DOCK3: variants seen among roughly 807,000 people sequenced by gnomAD.
The protein encoded by DOCK3 is dedicator of cytokinesis protein 3.
DOCK3 carries 60 observed loss-of-function variants against 265.6 expected under a neutral mutation model. That is an observed-to-expected ratio of 0.23 (90% CI 0.18 to 0.28). DOCK3 has a LOEUF of 0.28. Among genes scored for constraint, DOCK3 ranks in the 10% least tolerant of loss-of-function variants. DOCK3 has a pLI of 1.00. For missense variants in DOCK3, 1,981 were observed against 2,594.3 expected, an observed-to-expected ratio of 0.76 and a Z score of 5.14; for synonymous variants, 881 against 938.0, an observed-to-expected ratio of 0.94 and a Z score of 1.11.
intron 3 of DOCK3, among the ~76,000 whole-genome samples, chr3:50,879,074 A>G (rs2047880529): frequency 6.6e-6 from 1 of 152,222 alleles, no homozygotes; most frequent in Non-Finnish European, 1.5e-5. Context: ...AGACAAGCAA[A>G]TGCTGAGAGA....
chr3:51,181,384 G>C (rs576628675), intron 12 of DOCK3, among the ~76,000 whole-genome samples: 1 of 147,650 alleles, frequency 6.8e-6, no homozygotes, highest in Admixed American at 7.0e-5. Context: ...GAGAACATGC[G>C]GTGTTTGGTT....
At chr3:51,134,288 A>G (rs778388623) in intron 9 of DOCK3, among the ~76,000 whole-genome samples, 8 of 152,134 alleles carry the variant, frequency 5.3e-5, no homozygotes, top group Non-Finnish European at 1.2e-4. Context: ...TCCTTTGGGT[A>G]TACACCCAGC....
In DOCK3 at chr3:51,341,365, C is replaced by CA; in HGVS notation, c.3896dup (p.His1299GlnfsTer28). On this transcript the variant is annotated frameshift_variant, in exon 38 of 53. Coordinates refer to ENST00000266037, the MANE Select transcript of DOCK3 (RefSeq NM_004947.5). LOFTEE classifies it high-confidence loss of function. ...GGAGGGACTGTGCCGGAAGATCATT[C>CA]ACTACTTCAACAAAGGCAAGGTATG... The CA allele has an allele frequency of 6.2e-7, 1 of 1,613,800 alleles. No individual in the cohort carries two copies. Among genetic ancestry groups the CA allele is most frequent in the Non-Finnish European group, 8.5e-7 (1 of 1,179,798 alleles).
rs2086743555 is a variant in DOCK3, at chr3:51,361,678, G to A, written c.5007-181G>A. Among the ~76,000 whole-genome samples the A allele has an allele frequency of 6.6e-6, 1 of 152,174 alleles. No individual in the cohort carries two copies. The highest frequency in any genetic ancestry group is 1.5e-5 in the Non-Finnish European group (1 of 68,018). On this transcript the variant is annotated intron_variant, in intron 47 of 52. Transcript: ENST00000266037. This position sits in a 1 kb window ranked among gnomAD's most constrained non-coding sequence, Gnocchi z 4.2. ...TGTCTCTCCCAGACCAAGGGCTCCTGAGTAGCAGGGTACAGCTCAGGACTG... is the reference window on the plus strand; with the variant it reads ...TGTCTCTCCCAGACCAAGGGCTCCTAAGTAGCAGGGTACAGCTCAGGACTG...
intron 5 of DOCK3, among the ~76,000 whole-genome samples, chr3:51,016,949 TAA>T (rs2079366195): frequency 5.6e-5 from 2 of 36,004 alleles, no homozygotes; most frequent in Admixed American, 4.1e-4. Flanking sequence ...ATGTTATATA[TAA>T]TATATATATT....
At chr3:51,317,730 A>G (rs1381063277) in intron 32 of DOCK3, among the ~76,000 whole-genome samples, 5 of 151,698 alleles carry the variant, frequency 3.3e-5, no homozygotes, top group African/African-American at 9.7e-5. Context: ...TCATTTCACA[A>G]TGTATACATA....
chr3:50,789,085 C>CT (rs1395511472), intron 2 of DOCK3, among the ~76,000 whole-genome samples: 2 of 152,022 alleles, frequency 1.3e-5, no homozygotes, highest in Non-Finnish European at 2.9e-5. Context: ...AGACTGTCTT[C>CT]TTTTTTCTCT....
At chr3:51,159,409 C>A in intron 11 of DOCK3, 105 bp downstream of exon 11, 1 of 1,046,882 alleles carries the variant, frequency 9.6e-7, no homozygotes, top group Admixed American at 1.8e-5. Flanking sequence ...CCTGTAATTT[C>A]AGGTCTCAGG....
intron 2 of DOCK3, among the ~76,000 whole-genome samples, chr3:50,831,549 G>A (rs184922594): frequency 3.3e-4 from 51 of 152,268 alleles, no homozygotes; most frequent in African/African-American, 1.2e-3. Flanking sequence ...TCCCTGCAAA[G>A]GGTGTGAACT....
At chr3:51,058,232 C>T (rs2109200259) in intron 5 of DOCK3, among the ~76,000 whole-genome samples, 1 of 152,300 alleles carries the variant, frequency 6.6e-6, no homozygotes, top group South Asian at 2.1e-4. Context: ...ACTGGCCTAG[C>T]TCACTGCTGC....
intron 5 of DOCK3, among the ~76,000 whole-genome samples, chr3:50,965,721 C>T (rs980217890): frequency 1.3e-5 from 2 of 151,966 alleles, no homozygotes; most frequent in Admixed American, 6.6e-5. Flanking sequence ...TGTTTATGGA[C>T]GAGATTGTAT....
intron 28 of DOCK3, among the ~76,000 whole-genome samples, chr3:51,311,688 C>G (rs1179833189): frequency 6.6e-6 from 1 of 152,166 alleles, no homozygotes; most frequent in African/African-American, 2.4e-5. Flanking sequence ...CCATCGATCT[C>G]CTACCACCTT....
chr3:51,276,671 T>C, intron 25 of DOCK3, among the ~76,000 whole-genome samples: 1 of 152,130 alleles, frequency 6.6e-6, no homozygotes, highest in East Asian at 1.9e-4. Context: ...TGAAGCTCAA[T>C]GAGAGCAGAG....
At chr3:51,138,591 G>A (rs893233764) in intron 9 of DOCK3, among the ~76,000 whole-genome samples, 1 of 152,158 alleles carries the variant, frequency 6.6e-6, no homozygotes, top group African/African-American at 2.4e-5. Context: ...CTAGATATTT[G>A]CTTCATCTAC....
chr3:51,345,502 G>C (rs1015905382), intron 38 of DOCK3, among the ~76,000 whole-genome samples: 1 of 152,096 alleles, frequency 6.6e-6, no homozygotes. Flanking sequence ...CCCACCTGTA[G>C]TCCTAGCTAC....
intron 1 of DOCK3, among the ~76,000 whole-genome samples, chr3:50,732,859 C>T (rs2038310261): frequency 1.3e-5 from 2 of 152,042 alleles, no homozygotes; most frequent in South Asian, 4.1e-4. Context: ...TTGAAAATAA[C>T]AAAACTTTGC....
rs2086598247 is a variant in DOCK3 at position 51,359,686 on chromosome 3, T to G, written c.4885-825T>G. 6.6e-6 allele frequency among the ~76,000 whole-genome samples: 1 copy of G among 152,234 alleles called. No individual in the cohort carries two copies. The highest frequency in any genetic ancestry group is 2.4e-5 in the African/African-American group (1 of 41,474). On this transcript the variant is annotated intron_variant, in intron 46 of 52. Coordinates refer to ENST00000266037, the MANE Select transcript of DOCK3 (RefSeq NM_004947.5). This position sits in a 1 kb window ranked among gnomAD's most constrained non-coding sequence, Gnocchi z 4.8. ...AAACACTTTCCTATATACATCACGT[T>G]CTTCCGTGTGCACACATAGCCTTTC...
chr3:50,944,183 A>T (rs1050198786), intron 5 of DOCK3, among the ~76,000 whole-genome samples: 1 of 152,214 alleles, frequency 6.6e-6, no homozygotes, highest in Non-Finnish European at 1.5e-5. Flanking sequence ...AGTGTATTAT[A>T]TGTATTTAAA....
chr3:51,009,749 G>A (rs897164395), intron 5 of DOCK3, among the ~76,000 whole-genome samples: 3 of 152,044 alleles, frequency 2.0e-5, no homozygotes, highest in African/African-American at 4.8e-5. Flanking sequence ...TCTTTTGTGG[G>A]CATTTAGTGC....
Sources: allele counts gnomAD v4.1 joint callset (sites outside exome capture counted in the v4.1 genomes callset), GRCh38; gene constraint gnomAD v4.1.1; non-coding constraint Gnocchi (gnomAD v3.1); transcripts MANE v1.5; gene names NCBI Gene and HGNC (gene_info 2026-07-23, HGNC 2026-07-21).